ATP8B1: variants seen among roughly 807,000 people sequenced by gnomAD.
The protein encoded by ATP8B1 is phospholipid-transporting ATPase IC.
In ATP8B1, 80 loss-of-function variants were observed where a neutral mutation model predicts 149.9. The observed-to-expected ratio is 0.53, with a 90% CI of 0.45 to 0.64. ATP8B1 has a LOEUF of 0.64. Among genes scored for constraint, ATP8B1 ranks in the 30% least tolerant of loss-of-function variants. The pLI is 0.00. For synonymous variants in ATP8B1, 536 were observed against 562.8 expected, an observed-to-expected ratio of 0.95 and a Z score of 0.67; for missense variants, 1,247 against 1,552.6, an observed-to-expected ratio of 0.80 and a Z score of 3.31.
chr18:57,715,478 C>T (rs1398608532), intron 2 of ATP8B1, among the ~76,000 whole-genome samples: 1 of 152,052 alleles, frequency 6.6e-6, no homozygotes, highest in Non-Finnish European at 1.5e-5. Context: ...CAGAGAACTT[C>T]CCAAACCTAG....
chr18:57,731,701 T>C lies in ATP8B1; in HGVS notation c.107A>G (p.Gln36Arg). The C allele has an allele frequency of 6.2e-7, 1 of 1,614,150 alleles. No homozygotes were observed. The highest frequency in any genetic ancestry group is 8.5e-7 in the Non-Finnish European group (1 of 1,180,018). ...TTGTTCTGGTTCAACAGCAGACCCC[T>C]GGTCATCAAGTTCATCTTCTGTTTC... Reference protein sequence around the residue: ...DDETEDELDDQGSAVEPEQNR... With the variant: ...DDETEDELDDRGSAVEPEQNR... The change falls in exon 2 of 28, where the codon CAG (glutamine) becomes CGG (arginine). Residue 36 changes from glutamine to arginine, a missense_variant. Physicochemically the swap from Gln to Arg is conservative, Grantham distance 43. This residue lies in a region of ATP8B1 where 853 missense variants were observed against 1,035.7 expected (regional missense o/e 0.82). Transcript: ENST00000648908.
chr18:57,792,563 G>A (rs1016816959), intron 1 of ATP8B1, among the ~76,000 whole-genome samples: 26 of 152,118 alleles, frequency 1.7e-4, no homozygotes, highest in Admixed American at 1.4e-3. Context: ...AGAAGCAGAG[G>A]GTAGATGAGA....
At chr18:57,753,931 CAAAAAAAAAAAAAAA>C (rs1218057370) in intron 1 of ATP8B1, among the ~76,000 whole-genome samples, 1 of 71,040 alleles carries the variant, frequency 1.4e-5, no homozygotes, top group African/African-American at 6.0e-5. Flanking sequence ...GACTCTGTCT[CAAAAAAAAAAAAAAA>C]AAGAAAGAAA....
At chr18:57,770,067 ATTTTTTT>A (rs67664390) in intron 1 of ATP8B1, among the ~76,000 whole-genome samples, 1 of 134,010 alleles carries the variant, frequency 7.5e-6, no homozygotes, top group Non-Finnish European at 1.6e-5. Flanking sequence ...GCTGAACTGC[ATTTTTTT>A]TTTTTTTTTT....
intron 1 of ATP8B1, among the ~76,000 whole-genome samples, chr18:57,751,103 A>C (rs965881083): frequency 3.3e-5 from 5 of 152,210 alleles, no homozygotes; most frequent in Non-Finnish European, 7.3e-5. Flanking sequence ...AGCCTGGGTA[A>C]CAGAGCAAGA....
intron 12 of ATP8B1, 141 bp from the exon 13 acceptor site, chr18:57,688,648 A>C: frequency 1.1e-6 from 1 of 883,094 alleles, no homozygotes; most frequent in East Asian, 2.6e-5. Context: ...CTCCAAATTC[A>C]TATGTTGAAA....
At chr18:57,678,239 T>C (rs1911715716) in intron 15 of ATP8B1, among the ~76,000 whole-genome samples, 1 of 152,034 alleles carries the variant, frequency 6.6e-6, no homozygotes, top group African/African-American at 2.4e-5. Flanking sequence ...ACTGCAAAAA[T>C]AGATAGTGGG....
At chr18:57,714,992 C>T (rs557253606) in intron 2 of ATP8B1, among the ~76,000 whole-genome samples, 6 of 152,266 alleles carry the variant, frequency 3.9e-5, no homozygotes, top group African/African-American at 1.4e-4. Context: ...AACTATATGA[C>T]CTTTCAGACA....
Position 57,655,220 on chromosome 18 carries a change from A to T in ATP8B1, c.2905T>A (p.Ser969Thr). ...FAFTLVHFWY[S>T]FFNGYSAQTA... ...TGCGCAGAGTAGCCATTGAAGAAGG[A>T]GTACCAGAAATGAACCAAAGTAAAG... The change falls in exon 23 of 28, where the codon TCC (serine) becomes ACC (threonine). Residue 969 changes from serine (S) to threonine (T), a missense_variant. This residue lies in a region of ATP8B1 where 230 missense variants were observed against 356.6 expected (regional missense o/e 0.65). Transcript: ENST00000648908. The T allele has an allele frequency of 6.2e-7, 1 of 1,612,920 alleles. No homozygotes were observed. The highest frequency in any genetic ancestry group is 1.7e-5 in the Admixed American group (1 of 60,028).
rs915134049 is a variant in ATP8B1 at position 57,668,983 on chromosome 18, G to A, written c.2097+335C>T. ...CTTATTTCAAGATTTTGCAGAATAT[G>A]AATTGTTTCGGTAATTCCCCCAATG... On this transcript the variant is annotated intron_variant, in intron 18 of 27. Transcript: ENST00000648908. 18 of 213,974 alleles carry A rather than the reference G, an allele frequency of 8.4e-5. No individual in the cohort carries two copies. In the East Asian group the frequency reaches 1.8e-3, roughly 22 times the overall value. 13.3% of individuals were successfully genotyped at this position (213,974 alleles called of 1,614,324 possible). A position where few individuals can be genotyped will look rare whatever the true frequency, so the allele number is the denominator to read the frequency against.
intron 2 of ATP8B1, among the ~76,000 whole-genome samples, chr18:57,723,219 A>C (rs920629719): frequency 1.4e-5 from 2 of 143,464 alleles, no homozygotes; most frequent in Admixed American, 1.4e-4. Flanking sequence ...CACCACTCCT[A>C]TTCAACATAG....
At chr18:57,738,631 TAAATA>T (rs10597047) in intron 1 of ATP8B1, among the ~76,000 whole-genome samples, 146,999 of 150,858 alleles carry the variant, frequency 0.97, 71,707 homozygotes, top group East Asian at 1. Context: ...AATAAATAAA[TAAATA>T]AAATAAAATA....
At chr18:57,749,113 C>A (rs2079992570) in intron 1 of ATP8B1, among the ~76,000 whole-genome samples, 1 of 152,190 alleles carries the variant, frequency 6.6e-6, no homozygotes, top group South Asian at 2.1e-4. Flanking sequence ...ATAATGTATT[C>A]TAGAACTTTT....
At position 57,664,813 on chromosome 18, in the gene ATP8B1, G is replaced by A. The variant is rs117507304; in HGVS notation, c.2286-2198C>T. On this transcript the variant is annotated intron_variant, in intron 20 of 27. Coordinates refer to ENST00000648908, the MANE Select transcript of ATP8B1 (RefSeq NM_001374385.1). ...CAGAGGAAGGTGATGTGATTTGCCT[G>A]CTGCAGGTTGATAGGAAAACTAGAA... Among the ~76,000 whole-genome samples the A allele has an allele frequency of 2.2e-3, 336 of 152,300 alleles. 10 individuals carry two copies. In the East Asian group the frequency reaches 0.048, roughly 22 times the overall value.
At chr18:57,750,526 G>T (rs1287587208) in intron 1 of ATP8B1, among the ~76,000 whole-genome samples, 1 of 152,180 alleles carries the variant, frequency 6.6e-6, no homozygotes. Context: ...ATTCATCAAT[G>T]AAAAACTGAG....
chr18:57,784,135 G>A lies in ATP8B1; in HGVS notation c.-26+18863C>T, dbSNP rs557853139. On this transcript the variant is annotated intron_variant, in intron 1 of 27. Coordinates refer to ENST00000648908, the MANE Select transcript of ATP8B1 (RefSeq NM_001374385.1). This position sits in a 1 kb window ranked among gnomAD's most constrained non-coding sequence, Gnocchi z 4.4. ...CTTTCAGAGGAAGAGCTTTTCAAGC[G>A]AGAAAGCAGCAAATCTGAAGTTCCT... 1.8e-4 allele frequency among the ~76,000 whole-genome samples: 27 copies of A among 152,348 alleles called. No individual in the cohort carries two copies. Among genetic ancestry groups the A allele is most frequent in the African/African-American group, 5.8e-4 (24 of 41,584 alleles).
chr18:57,703,361 G>C (rs1568203300), intron 4 of ATP8B1, among the ~76,000 whole-genome samples: 2 of 152,058 alleles, frequency 1.3e-5, no homozygotes, highest in African/African-American at 4.8e-5. Flanking sequence ...CCTGAATTCA[G>C]GAGTTTGAGA....
chr18:57,693,639 C>T (rs770697480), intron 11 of ATP8B1, among the ~76,000 whole-genome samples: 5 of 151,754 alleles, frequency 3.3e-5, no homozygotes, highest in Admixed American at 1.3e-4. Flanking sequence ...ACCTGGGAGA[C>T]GGAGATTGCA....
chr18:57,710,414 C>G lies in ATP8B1; in HGVS notation c.182-3827G>C, dbSNP rs935310285. Among the ~76,000 whole-genome samples the G allele has an allele frequency of 3.9e-5, 6 of 152,074 alleles. No homozygotes were observed. The South Asian group carries it at 8.3e-4, about 21-fold the overall frequency. On this transcript the variant is annotated intron_variant, in intron 2 of 27. Coordinates refer to ENST00000648908, the MANE Select transcript of ATP8B1 (RefSeq NM_001374385.1). ...AGAGTGTTCCCATGATCACCACGTC[C>G]TTTGATCAGTGCCATCTGGAAGAGC...
Sources: gnomAD v4.1 joint callset for allele counts (sites outside exome capture counted in the v4.1 genomes callset) on GRCh38, gnomAD v4.1.1 for gene constraint, gnomAD v4.1.1 regional missense constraint, Gnocchi (gnomAD v3.1) non-coding constraint, MANE v1.5 for transcripts, NCBI Gene and HGNC (gene_info 2026-07-23, HGNC 2026-07-21) for gene names.